The following TTLL11 variants were observed in gnomAD, a reference collection of about 807,000 sequenced individuals.
The protein encoded by TTLL11 is tubulin tyrosine ligase like 11, also known as tubulin polyglutamylase TTLL11.
Under a neutral mutation model 51.7 loss-of-function variants are expected in TTLL11, and 42 were observed. That is an observed-to-expected ratio of 0.81 (90% CI 0.64 to 1.05). TTLL11 has a LOEUF of 1.05. Among genes scored for constraint, TTLL11 ranks in the 50% least tolerant of loss-of-function variants. The pLI is 0.00. For missense variants in TTLL11, 799 were observed against 940.4 expected (o/e 0.85, Z 1.97); for synonymous variants, 381 against 383.5 (o/e 0.99, Z 0.08).
At chr9:122,058,732 T>C (rs1024241728) in intron 1 of TTLL11, among the ~76,000 whole-genome samples, 1 of 152,228 alleles carries the variant, frequency 6.6e-6, no homozygotes, top group Non-Finnish European at 1.5e-5. Flanking sequence ...ACACAGCTAA[T>C]AGCTGTGGCC....
intron 6 of TTLL11, among the ~76,000 whole-genome samples, chr9:121,887,902 G>A (rs768025269): frequency 1.3e-5 from 2 of 152,068 alleles, no homozygotes; most frequent in Non-Finnish European, 2.9e-5. Context: ...AACTGCCTGG[G>A]GGCCCCCAGG....
At chr9:121,951,626 T>A (rs1029688453) in intron 6 of TTLL11, among the ~76,000 whole-genome samples, 1 of 152,192 alleles carries the variant, frequency 6.6e-6, no homozygotes, top group Non-Finnish European at 1.5e-5. Context: ...CAGGCAAGGT[T>A]TAACAAAGTA....
chr9:121,993,093 CAG>C (rs1413198623), intron 3 of TTLL11, among the ~76,000 whole-genome samples: 1 of 150,856 alleles, frequency 6.6e-6, no homozygotes, highest in Non-Finnish European at 1.5e-5. Flanking sequence ...TTCATAGAGA[CAG>C]AAATTACAAT....
intron 1 of TTLL11, among the ~76,000 whole-genome samples, chr9:122,087,976 T>C (rs1846171129): frequency 6.6e-6 from 1 of 152,170 alleles, no homozygotes; most frequent in Admixed American, 6.5e-5. Context: ...AATTTAACAT[T>C]GTGGACGCAG....
chr9:122,028,305 T>C (rs1483538752), intron 3 of TTLL11, among the ~76,000 whole-genome samples: 2 of 152,168 alleles, frequency 1.3e-5, no homozygotes, highest in East Asian at 1.9e-4. Context: ...AGGCAGAGAC[T>C]GTCAAACTGA....
At chr9:122,033,756 G>C (rs749791271) in intron 2 of TTLL11, among the ~76,000 whole-genome samples, 3 of 152,170 alleles carry the variant, frequency 2.0e-5, no homozygotes, top group Non-Finnish European at 2.9e-5. Flanking sequence ...TCAGTGCCCA[G>C]GTCTTAGTTG....
chr9:122,057,599 T>C (rs1293777512), intron 1 of TTLL11, among the ~76,000 whole-genome samples: 1 of 152,096 alleles, frequency 6.6e-6, no homozygotes, highest in African/African-American at 2.4e-5. Context: ...ATCGCTGGGA[T>C]TACAGGTGTG....
At chr9:121,899,378 C>CATATATATATATATATATACATAT (rs1554766927) in intron 6 of TTLL11, among the ~76,000 whole-genome samples, 3 of 130,454 alleles carry the variant, frequency 2.3e-5, no homozygotes, top group African/African-American at 8.7e-5. Flanking sequence ...TATATATATA[C>CATATATATATATATATATACATAT]ATATATATAT....
intron 2 of TTLL11, among the ~76,000 whole-genome samples, chr9:122,037,349 T>C (rs74642823): frequency 6.6e-6 from 1 of 152,212 alleles, no homozygotes; most frequent in Admixed American, 6.5e-5. Flanking sequence ...GCTGCAAGAA[T>C]CATTCTTGTT....
At chr9:122,042,621 A>G (rs1361783484) in intron 1 of TTLL11, among the ~76,000 whole-genome samples, 1 of 152,244 alleles carries the variant, frequency 6.6e-6, no homozygotes, top group Non-Finnish European at 1.5e-5. Context: ...AAATCTGCAC[A>G]TGAATGTTTA....
At chr9:121,958,075 C>T (rs1303895805) in intron 6 of TTLL11, among the ~76,000 whole-genome samples, 1 of 152,192 alleles carries the variant, frequency 6.6e-6, no homozygotes, top group Non-Finnish European at 1.5e-5. Context: ...GCTTCAGTGC[C>T]TTATTTGGTC....
At position 122,076,084 on chromosome 9, in the gene TTLL11, A is replaced by G. The variant is rs79093917; in HGVS notation, c.462+16603T>C. Among the ~76,000 whole-genome samples, 818 of 152,274 alleles carry G rather than the reference A, an allele frequency of 5.4e-3. 8 individuals carry two copies. Among genetic ancestry groups the G allele is most frequent in the African/African-American group, 0.019 (790 of 41,536 alleles). ...GATGATACTCACCCTGAGGCTGGGT[A>G]TCTTACAGTCTATGGGAAGAGACAG... On this transcript the variant is annotated intron_variant, in intron 1 of 8. Transcript: ENST00000321582.
intron 6 of TTLL11, among the ~76,000 whole-genome samples, chr9:121,888,553 G>A (rs1260903356): frequency 3.3e-5 from 5 of 152,224 alleles, no homozygotes; most frequent in Admixed American, 2.6e-4. Context: ...ATGGGGCCAG[G>A]CCCGGAGCAG....
chr9:121,864,025 G>A (rs2131386255), intron 7 of TTLL11, among the ~76,000 whole-genome samples: 1 of 152,196 alleles, frequency 6.6e-6, no homozygotes, highest in East Asian at 1.9e-4. Context: ...TTGGGATATG[G>A]GGCTGGGGCT....
At chr9:121,860,195 A>G in intron 8 of TTLL11, 142 bp downstream of exon 8, 1 of 626,894 alleles carries the variant, frequency 1.6e-6, no homozygotes, top group Non-Finnish European at 2.7e-6. Flanking sequence ...ATTTAAATTC[A>G]GCTCAATCCC....
chr9:121,850,131 T>C (rs995389379), intron 8 of TTLL11, among the ~76,000 whole-genome samples: 5 of 150,856 alleles, frequency 3.3e-5, no homozygotes, highest in African/African-American at 1.2e-4. Context: ...GTGGAATGCA[T>C]GGATATGGAA....
intron 3 of TTLL11, among the ~76,000 whole-genome samples, chr9:122,022,777 T>G (rs1051925146): frequency 1.3e-5 from 2 of 152,000 alleles, no homozygotes; most frequent in Non-Finnish European, 2.9e-5. Context: ...TAAAATAGAG[T>G]TGATTGTTAA....
intron 1 of TTLL11, among the ~76,000 whole-genome samples, chr9:122,067,673 T>C (rs1475853224): frequency 1.3e-5 from 2 of 152,152 alleles, no homozygotes; most frequent in Admixed American, 1.3e-4. Flanking sequence ...CAGCTAATTT[T>C]TGTATTTTTA....
chr9:122,012,646 G>A (rs1451777570), intron 3 of TTLL11, among the ~76,000 whole-genome samples: 2 of 146,164 alleles, frequency 1.4e-5, no homozygotes, highest in African/African-American at 2.6e-5. Flanking sequence ...GTCTCTGGCA[G>A]GAGGAAAAAA....
Sources: gnomAD v4.1 joint callset for allele counts (sites outside exome capture counted in the v4.1 genomes callset) on GRCh38, gnomAD v4.1.1 for gene constraint, MANE v1.5 for transcripts, NCBI Gene and HGNC (gene_info 2026-07-23, HGNC 2026-07-21) for gene names.